SGSM1: variants seen among roughly 807,000 people sequenced by gnomAD.
The protein encoded by SGSM1 is RUN and TBC1 domain containing 2.
In SGSM1, 73 loss-of-function variants were observed where a neutral mutation model predicts 133.8. That is an observed-to-expected ratio of 0.55 (90% CI 0.45 to 0.66). The LOEUF is 0.66. Ranked by LOEUF, SGSM1 falls within the 30% of genes least tolerant of loss-of-function variation. The pLI is 0.00. For synonymous variants in SGSM1, 563 were observed against 573.0 expected, an observed-to-expected ratio of 0.98 and a Z score of 0.25; for missense variants, 1,213 against 1,448.1, an observed-to-expected ratio of 0.84 and a Z score of 2.64.
intron 2 of SGSM1, among the ~76,000 whole-genome samples, chr22:24,818,389 A>G (rs1355815367): frequency 2.0e-5 from 3 of 151,800 alleles, no homozygotes; most frequent in African/African-American, 7.3e-5. Context: ...TTATTTAGAG[A>G]CAGAGTCTTG....
intron 2 of SGSM1, among the ~76,000 whole-genome samples, chr22:24,837,915 G>C (rs1162698791): frequency 6.6e-6 from 1 of 152,152 alleles, no homozygotes; most frequent in Non-Finnish European, 1.5e-5. Flanking sequence ...TCATATCTAA[G>C]ATCTATATCT....
intron 22 of SGSM1, among the ~76,000 whole-genome samples, chr22:24,914,107 G>A (rs1933730779): frequency 2.6e-5 from 4 of 152,068 alleles, no homozygotes; most frequent in East Asian, 1.9e-4. Flanking sequence ...TGGCTAACAC[G>A]GTGAAACCCT....
At chr22:24,904,352 G>A (rs189023253) in intron 20 of SGSM1, among the ~76,000 whole-genome samples, 288 of 152,190 alleles carry the variant, frequency 1.9e-3, no homozygotes, top group African/African-American at 6.3e-3. Context: ...AGGCCGAGAC[G>A]GGCGGGTCAT....
chr22:24,836,124 C>T (rs1929414124), intron 2 of SGSM1, among the ~76,000 whole-genome samples: 1 of 152,146 alleles, frequency 6.6e-6, no homozygotes, highest in Non-Finnish European at 1.5e-5. Flanking sequence ...TCTCCCCAGC[C>T]CCTGGCAACC....
At chr22:24,914,329 G>A (rs547788863) in intron 22 of SGSM1, among the ~76,000 whole-genome samples, 1 of 150,818 alleles carries the variant, frequency 6.6e-6, no homozygotes, top group African/African-American at 2.4e-5. Context: ...AATTAGCCAG[G>A]TGTGGTGGCA....
chr22:24,819,198 A>T (rs1473842844), intron 2 of SGSM1, among the ~76,000 whole-genome samples: 1 of 151,924 alleles, frequency 6.6e-6, no homozygotes, highest in Non-Finnish European at 1.5e-5. Context: ...ATTAGTATTT[A>T]TTGGGCACCT....
intron 14 of SGSM1, among the ~76,000 whole-genome samples, chr22:24,881,779 G>A (rs945772995): frequency 2.0e-5 from 3 of 152,138 alleles, no homozygotes; most frequent in African/African-American, 7.2e-5. Flanking sequence ...AGAAGGTCCA[G>A]GGTTCTCTCT....
chr22:24,915,393 C>T (rs1353750395), intron 22 of SGSM1, among the ~76,000 whole-genome samples: 1 of 152,180 alleles, frequency 6.6e-6, no homozygotes, highest in East Asian at 1.9e-4. Context: ...ACAACCGAAT[C>T]ACTCTTAAAG....
intron 5 of SGSM1, among the ~76,000 whole-genome samples, chr22:24,852,562 G>A (rs1930542119): frequency 6.6e-6 from 1 of 152,178 alleles, no homozygotes; most frequent in African/African-American, 2.4e-5. Flanking sequence ...TCATGCCTCA[G>A]CCTCCCAAGT....
At chr22:24,827,287 G>A (rs774185378) in intron 2 of SGSM1, among the ~76,000 whole-genome samples, 11 of 152,028 alleles carry the variant, frequency 7.2e-5, no homozygotes, top group South Asian at 2.1e-4. Flanking sequence ...CCTGCCTCAC[G>A]GATTGCCCTG....
At position 24,874,459 on chromosome 22, in the gene SGSM1, C is replaced by G. The variant is rs749434629; in HGVS notation, c.1292-2118C>G. On this transcript the variant is annotated intron_variant, in intron 12 of 24. Coordinates refer to ENST00000400358, the MANE Select transcript of SGSM1 (RefSeq NM_001098497.3). ...CAGCACTTCCTCCGTCTCTGTGGGC[C>G]CTGCCTGGATGATGGTTCCTGCAGG... The G allele has an allele frequency of 2.5e-6, 4 of 1,613,580 alleles. No homozygotes were observed. In the South Asian group the frequency reaches 4.4e-5, roughly 18 times the overall value.
At chr22:24,880,949 G>T (rs1036613311) in intron 14 of SGSM1, among the ~76,000 whole-genome samples, 5 of 152,244 alleles carry the variant, frequency 3.3e-5, no homozygotes, top group African/African-American at 1.2e-4. Flanking sequence ...CCAGCACTTT[G>T]GGAGGCCAAG....
chr22:24,880,751 G>A (rs1013074831), intron 14 of SGSM1, among the ~76,000 whole-genome samples: 6 of 152,202 alleles, frequency 3.9e-5, no homozygotes, highest in Non-Finnish European at 8.8e-5. Context: ...GATGGGTCTG[G>A]AGCAATGTCT....
At chr22:24,896,953 G>A (rs1932930124) in intron 18 of SGSM1, among the ~76,000 whole-genome samples, 1 of 151,906 alleles carries the variant, frequency 6.6e-6, no homozygotes, top group African/African-American at 2.4e-5. Flanking sequence ...CTCCAGCCTG[G>A]GCAACAGAGC....
At chr22:24,917,060 T>G (rs926961759) in intron 22 of SGSM1, among the ~76,000 whole-genome samples, 1 of 150,262 alleles carries the variant, frequency 6.7e-6, no homozygotes, top group African/African-American at 2.4e-5. Context: ...AAATTCTTTT[T>G]TTTTTTTTTT....
intron 3 of SGSM1, among the ~76,000 whole-genome samples, chr22:24,845,207 AC>A (rs1360014989): frequency 6.6e-6 from 1 of 152,120 alleles, no homozygotes; most frequent in African/African-American, 2.4e-5. Flanking sequence ...TCCTGTAGGC[AC>A]CATTCACACC....
chr22:24,867,934 A>G (rs1270879063), intron 10 of SGSM1, among the ~76,000 whole-genome samples: 1 of 152,208 alleles, frequency 6.6e-6, no homozygotes, highest in Non-Finnish European at 1.5e-5. Context: ...TGAGTATTTC[A>G]ATAAGACAGT....
intron 13 of SGSM1, among the ~76,000 whole-genome samples, chr22:24,878,131 A>G (rs1932126080): frequency 1.3e-5 from 2 of 152,276 alleles, no homozygotes; most frequent in East Asian, 1.9e-4. Flanking sequence ...CTTATCATGC[A>G]TTAGAATCAC....
chr22:24,913,172 A>G (rs1291709092), intron 22 of SGSM1, among the ~76,000 whole-genome samples: 1 of 151,930 alleles, frequency 6.6e-6, no homozygotes, highest in Admixed American at 6.6e-5. Flanking sequence ...AGGTGCCTGT[A>G]GTCCCAGCTA....
Sources: gnomAD v4.1 joint callset for allele counts (sites outside exome capture counted in the v4.1 genomes callset) on GRCh38, gnomAD v4.1.1 for gene constraint, MANE v1.5 for transcripts, NCBI Gene and HGNC (gene_info 2026-07-23, HGNC 2026-07-21) for gene names.